PTPRD: variants seen among roughly 807,000 people sequenced by gnomAD.
PTPRD encodes protein tyrosine phosphatase receptor type D, also known as receptor-type tyrosine-protein phosphatase delta.
PTPRD carries 34 observed loss-of-function variants against 214.5 expected under a neutral mutation model. The observed-to-expected ratio is 0.16, with a 90% confidence interval of 0.12 to 0.21. PTPRD has a LOEUF of 0.21. PTPRD is among the 10% of genes least tolerant of loss of function. The pLI, the probability that PTPRD is intolerant of heterozygous loss-of-function variation, is 1.00. For missense variants in PTPRD, 2,545 were observed against 2,398.7 expected, an observed-to-expected ratio of 1.06 and a Z score of -1.27; for synonymous variants, 1,128 against 845.7, an observed-to-expected ratio of 1.33 and a Z score of -5.79.
At chr9:10,524,147 G>C (rs1173321965) in intron 2 of PTPRD, among the ~76,000 whole-genome samples, 1 of 151,948 alleles carries the variant, frequency 6.6e-6, no homozygotes, top group Admixed American at 6.6e-5. Context: ...CCTATAGAAA[G>C]GCCTCATCTC....
intron 5 of PTPRD, among the ~76,000 whole-genome samples, chr9:9,851,886 T>C (rs951297396): frequency 5.3e-5 from 8 of 152,210 alleles, no homozygotes; most frequent in African/African-American, 1.7e-4. Flanking sequence ...ACTGTTAACA[T>C]TGACAACATC....
At chr9:10,256,305 T>C (rs748532355) in intron 3 of PTPRD, among the ~76,000 whole-genome samples, 5 of 151,742 alleles carry the variant, frequency 3.3e-5, no homozygotes, top group Non-Finnish European at 7.4e-5. Flanking sequence ...CACTGGAAGG[T>C]CTTCGGGGGT....
At chr9:10,099,700 T>C (rs535135152) in intron 3 of PTPRD, among the ~76,000 whole-genome samples, 3 of 151,866 alleles carry the variant, frequency 2.0e-5, no homozygotes, top group Non-Finnish European at 4.4e-5. Context: ...TAGAGCTTTT[T>C]CGCTATCATC....
chr9:8,494,747 G>C (rs1200097228), intron 26 of PTPRD, among the ~76,000 whole-genome samples: 1 of 152,190 alleles, frequency 6.6e-6, no homozygotes, highest in Admixed American at 6.5e-5. Context: ...AACGCAATTT[G>C]AAATGCGTCA....
chr9:10,427,794 A>T (rs1018293298), intron 2 of PTPRD, among the ~76,000 whole-genome samples: 2 of 152,108 alleles, frequency 1.3e-5, no homozygotes, highest in African/African-American at 4.8e-5. Flanking sequence ...AATATTTTGC[A>T]TGAGTGATTG....
intron 2 of PTPRD, among the ~76,000 whole-genome samples, chr9:10,561,759 G>A (rs921427040): frequency 3.1e-4 from 47 of 152,126 alleles, no homozygotes; most frequent in African/African-American, 1.1e-3. Context: ...TTCCTTCTCT[G>A]TAAAATGAAG....
At chr9:9,495,510 G>T (rs1391594039) in intron 8 of PTPRD, among the ~76,000 whole-genome samples, 2 of 151,922 alleles carry the variant, frequency 1.3e-5, no homozygotes, top group Non-Finnish European at 2.9e-5. Context: ...TGCCTATAAA[G>T]ACCCCAGACT....
At position 8,499,661 on chromosome 9, in the gene PTPRD, G is replaced by A. The variant is rs142331255; in HGVS notation, c.2308C>T (p.Leu770=). Residue 770 remains leucine (L), a synonymous_variant, in exon 25 of 46, where the codon CTG becomes TTG. Transcript: ENST00000381196. ...KGQPMLKDVM[L]ADAQWEFDDT... ...CAGAGGCTTACCTGTGCATCAGCCAGCATGACATCTTTCAGCATGGGCTGG... is the reference window on the plus strand; with the variant it reads ...CAGAGGCTTACCTGTGCATCAGCCAACATGACATCTTTCAGCATGGGCTGG... 2 of 1,613,298 alleles carry A rather than the reference G, an allele frequency of 1.2e-6. No individual in the cohort carries two copies. Among genetic ancestry groups the A allele is most frequent in the South Asian group, 2.2e-5 (2 of 90,866 alleles).
intron 11 of PTPRD, among the ~76,000 whole-genome samples, chr9:8,993,181 A>T (rs187255568): frequency 4.2e-4 from 58 of 136,684 alleles, no homozygotes; most frequent in Middle Eastern, 4.2e-3. Context: ...AGTAGGGGCC[A>T]TTCCCTTGGC....
chr9:9,692,600 G>T (rs1411140480), intron 7 of PTPRD, among the ~76,000 whole-genome samples: 1 of 151,348 alleles, frequency 6.6e-6, no homozygotes, highest in Non-Finnish European at 1.5e-5. Flanking sequence ...GCATAGCTTG[G>T]CTAGTCTGGA....
rs545767166 is a variant in PTPRD, at chr9:8,346,451, G to T, written c.4662-4473C>A. Among the ~76,000 whole-genome samples, 7 of 152,116 alleles carry T rather than the reference G, an allele frequency of 4.6e-5. No individual in the cohort carries two copies. The South Asian group carries it at 1.5e-3, about 32-fold the overall frequency. On this transcript the variant is annotated intron_variant, in intron 39 of 45. Coordinates refer to ENST00000381196, the MANE Select transcript of PTPRD (RefSeq NM_002839.4). The stretch of plus-strand genomic sequence containing the variant: ...ATCTCAGTTATTTGCGGTTAACCAC[G>T]GTCTGAAAATATTAAATGGAAAATT...
chr9:8,360,320 T>C (rs1818072), intron 39 of PTPRD, among the ~76,000 whole-genome samples: 137,718 of 152,224 alleles, frequency 0.9, 62,321 homozygotes, highest in East Asian at 0.92. Context: ...TGTTTGCTGT[T>C]GATATTAAAA....
intron 2 of PTPRD, among the ~76,000 whole-genome samples, chr9:10,533,613 G>T (rs1053275148): frequency 5.9e-5 from 9 of 151,626 alleles, no homozygotes; most frequent in African/African-American, 2.2e-4. Flanking sequence ...ATAAATAATG[G>T]TAATATGAAT....
chr9:8,539,571 A>G (rs1484029380), intron 14 of PTPRD, among the ~76,000 whole-genome samples: 3 of 151,990 alleles, frequency 2.0e-5, no homozygotes, highest in African/African-American at 7.2e-5. Context: ...TACAGAAACA[A>G]CCTTGATTAA....
intron 3 of PTPRD, among the ~76,000 whole-genome samples, chr9:10,324,306 T>C (rs902709312): frequency 2.0e-5 from 3 of 152,070 alleles, no homozygotes; most frequent in Admixed American, 6.6e-5. Context: ...TCAATGCAGA[T>C]ATTAATAATA....
intron 8 of PTPRD, among the ~76,000 whole-genome samples, chr9:9,463,001 G>T (rs894248138): frequency 1.6e-4 from 24 of 152,232 alleles, no homozygotes; most frequent in African/African-American, 5.8e-4. Flanking sequence ...ACTACCAAAA[G>T]TAAAAAAGAT....
At chr9:9,951,657 A>G (rs775497423) in intron 4 of PTPRD, among the ~76,000 whole-genome samples, 2 of 152,226 alleles carry the variant, frequency 1.3e-5, no homozygotes, top group Admixed American at 6.5e-5. Context: ...TCTCCTCAAC[A>G]TTCCTTCCTA....
chr9:10,031,538 T>A (rs907657218), intron 4 of PTPRD, among the ~76,000 whole-genome samples: 6 of 150,442 alleles, frequency 4.0e-5, no homozygotes, highest in Non-Finnish European at 4.4e-5. Context: ...GTTGTGAGAC[T>A]CGGACTGGCT....
chr9:8,458,508 G>T (rs2096279639), intron 33 of PTPRD, among the ~76,000 whole-genome samples: 1 of 151,924 alleles, frequency 6.6e-6, no homozygotes, highest in Admixed American at 6.6e-5. Context: ...CTTGTTTTTT[G>T]ACCTACTCCC....
Sources: gnomAD v4.1 joint callset for allele counts (sites outside exome capture counted in the v4.1 genomes callset) on GRCh38, gnomAD v4.1.1 for gene constraint, MANE v1.5 for transcripts, NCBI Gene and HGNC (gene_info 2026-07-23, HGNC 2026-07-21) for gene names.